The following RERE variants were observed in gnomAD, a reference collection of about 807,000 sequenced individuals.
The protein encoded by RERE is arginine-glutamic acid dipeptide repeats.
RERE carries 40 observed loss-of-function variants against 146.1 expected under a neutral mutation model. The ratio of observed to expected loss-of-function variants is 0.27; its 90% CI spans 0.21 to 0.36. The LOEUF is 0.36. RERE is among the 10% of genes least tolerant of loss of function. The pLI, the probability that RERE is intolerant of heterozygous loss-of-function variation, is 1.00. For synonymous variants in RERE, 1,003 were observed against 866.0 expected (o/e 1.16, Z -2.78); for missense variants, 1,933 against 2,138.7 (o/e 0.90, Z 1.90).
At chr1:8,796,917 GACAACTTCTCCCAA>G (rs1641486116) in intron 1 of RERE, among the ~76,000 whole-genome samples, 1 of 152,124 alleles carries the variant, frequency 6.6e-6, no homozygotes, top group Admixed American at 6.6e-5. Flanking sequence ...AGCCTCCGTT[GACAACTTCTCCCAA>G]GTGAAACAAT....
chr1:8,605,682 G>A (rs961686455), intron 4 of RERE, among the ~76,000 whole-genome samples: 6 of 141,724 alleles, frequency 4.2e-5, no homozygotes, highest in African/African-American at 1.6e-4. Flanking sequence ...CCGGGAGGCA[G>A]GTGATCATGC....
At chr1:8,499,487 C>CA (rs1645100034) in intron 8 of RERE, among the ~76,000 whole-genome samples, 1 of 152,140 alleles carries the variant, frequency 6.6e-6, no homozygotes, top group Non-Finnish European at 1.5e-5. Context: ...GGAATGCTGC[C>CA]ACACAGGAAT....
chr1:8,809,533 A>C (rs577525977), intron 1 of RERE, among the ~76,000 whole-genome samples: 1 of 152,342 alleles, frequency 6.6e-6, no homozygotes, highest in Admixed American at 6.5e-5. Context: ...AGTCAGCCTA[A>C]ATAGATGGAC....
At chr1:8,628,121 T>C (rs918997274) in intron 2 of RERE, among the ~76,000 whole-genome samples, 1 of 152,180 alleles carries the variant, frequency 6.6e-6, no homozygotes. Context: ...TCCAAAGCTA[T>C]GAATTCATAT....
intron 4 of RERE, among the ~76,000 whole-genome samples, chr1:8,563,902 A>G (rs1410390648): frequency 1.3e-5 from 2 of 152,244 alleles, no homozygotes; most frequent in African/African-American, 4.8e-5. Context: ...GGTTTACTGT[A>G]TAATTCAGAA....
chr1:8,504,965 G>A (rs1456593913), intron 8 of RERE, among the ~76,000 whole-genome samples: 1 of 152,146 alleles, frequency 6.6e-6, no homozygotes, highest in African/African-American at 2.4e-5. Context: ...TGGAAGGCAG[G>A]GTACCAAACT....
intron 4 of RERE, among the ~76,000 whole-genome samples, chr1:8,567,605 T>C (rs902382143): frequency 6.6e-6 from 1 of 152,240 alleles, no homozygotes; most frequent in Non-Finnish European, 1.5e-5. Flanking sequence ...CTAAATCATC[T>C]CTGAAATGCT....
intron 1 of RERE, among the ~76,000 whole-genome samples, chr1:8,796,336 C>T (rs1201379495): frequency 2.6e-5 from 4 of 152,150 alleles, no homozygotes; most frequent in African/African-American, 9.7e-5. Context: ...CAGTCTTATT[C>T]TAAGTAATCA....
chr1:8,630,383 A>G (rs1647020986), intron 2 of RERE, among the ~76,000 whole-genome samples: 1 of 152,174 alleles, frequency 6.6e-6, no homozygotes, highest in Non-Finnish European at 1.5e-5. Context: ...AGGAACAAAC[A>G]AACTAAACAG....
chr1:8,574,337 A>G (rs1402866058), intron 4 of RERE, among the ~76,000 whole-genome samples: 6 of 126,982 alleles, frequency 4.7e-5, no homozygotes, highest in Admixed American at 8.5e-5. Context: ...ATCTATATAT[A>G]GTCTTTTTTT....
chr1:8,807,655 A>C (rs1434511573), intron 1 of RERE, among the ~76,000 whole-genome samples: 1 of 152,228 alleles, frequency 6.6e-6, no homozygotes, highest in Non-Finnish European at 1.5e-5. Flanking sequence ...AGATCAATGA[A>C]GATTAAAAGT....
intron 3 of RERE, 118 bp from the exon 4 acceptor site, chr1:8,614,804 A>T: frequency 8.9e-7 from 1 of 1,117,390 alleles, no homozygotes; most frequent in East Asian, 2.6e-5. Context: ...TGACCTCTGA[A>T]ACCTCAGATA....
chr1:8,808,667 A>C (rs914228388), intron 1 of RERE, among the ~76,000 whole-genome samples: 6 of 152,090 alleles, frequency 3.9e-5, no homozygotes, highest in African/African-American at 1.5e-4. Flanking sequence ...TAGAGCTCTT[A>C]ACAACTTTTC....
At chr1:8,585,335 A>G (rs1320595626) in intron 4 of RERE, among the ~76,000 whole-genome samples, 5 of 152,170 alleles carry the variant, frequency 3.3e-5, no homozygotes, top group African/African-American at 9.7e-5. Flanking sequence ...GACATCATAT[A>G]TAATATTTCC....
chr1:8,500,839 A>G (rs1327232114), intron 8 of RERE, among the ~76,000 whole-genome samples: 2 of 146,588 alleles, frequency 1.4e-5, no homozygotes, highest in African/African-American at 5.4e-5. Context: ...CTGGGATGTG[A>G]GGAGCACCTC....
chr1:8,695,523 G>A (rs1053372784), intron 1 of RERE, among the ~76,000 whole-genome samples: 2 of 149,580 alleles, frequency 1.3e-5, no homozygotes, highest in African/African-American at 5.0e-5. Flanking sequence ...GCCCAGGGGG[G>A]CGGATCACCT....
chr1:8,777,533 C>CTTTTTT (rs752250797), intron 1 of RERE, among the ~76,000 whole-genome samples: 2 of 137,684 alleles, frequency 1.5e-5, no homozygotes, highest in South Asian at 4.6e-4. Flanking sequence ...AAGTGTCATA[C>CTTTTTT]TTTTTTTTTT....
chr1:8,442,118 C>T (rs1426860637), intron 11 of RERE, among the ~76,000 whole-genome samples: 5 of 152,168 alleles, frequency 3.3e-5, no homozygotes, highest in Non-Finnish European at 5.9e-5. Context: ...GGCATGGTGG[C>T]TCACACCTGT....
At chr1:8,551,615 A>G (rs991061924) in intron 6 of RERE, among the ~76,000 whole-genome samples, 1 of 152,234 alleles carries the variant, frequency 6.6e-6, no homozygotes, top group Non-Finnish European at 1.5e-5. Flanking sequence ...TATACTTTTA[A>G]GAACTCAGCA....
Sources: gnomAD v4.1 joint callset for allele counts (sites outside exome capture counted in the v4.1 genomes callset) on GRCh38, gnomAD v4.1.1 for gene constraint, MANE v1.5 for transcripts, NCBI Gene and HGNC (gene_info 2026-07-23, HGNC 2026-07-21) for gene names.